Variants in GLI2 observed in about 807,000 individuals in gnomAD.
GLI2 encodes transcription activator GLI2.
In GLI2, 22 loss-of-function variants were observed where a neutral mutation model predicts 78.9. The ratio of observed to expected loss-of-function variants is 0.28; its 90% CI spans 0.20 to 0.40. GLI2 has a LOEUF of 0.40. GLI2 is among the 10% of genes least tolerant of loss of function. The probability of loss-of-function intolerance (pLI) is 1.00; values close to 1 mark genes in which losing one functional copy is unlikely to be tolerated. For missense variants in GLI2, 2,097 were observed against 2,213.2 expected (o/e 0.95, Z 1.05); for synonymous variants, 974 against 963.7 (o/e 1.01, Z -0.20).
At chr2:120,872,635 G>A (rs1189081945) in intron 2 of GLI2, among the ~76,000 whole-genome samples, 1 of 152,240 alleles carries the variant, frequency 6.6e-6, no homozygotes, top group East Asian at 1.9e-4. Flanking sequence ...CAGGCTTCTG[G>A]TGACAAGCCA....
chr2:120,910,240 G>T (rs1678749221), intron 2 of GLI2, among the ~76,000 whole-genome samples: 1 of 151,946 alleles, frequency 6.6e-6, no homozygotes, highest in Non-Finnish European at 1.5e-5. Context: ...TGGTCAGCAG[G>T]CCTGAGCCAG....
intron 3 of GLI2, among the ~76,000 whole-genome samples, chr2:120,933,995 G>A (rs982741409): frequency 6.6e-6 from 1 of 152,214 alleles, no homozygotes; most frequent in Non-Finnish European, 1.5e-5. Context: ...TGAACACACA[G>A]GGTGGGTCTT....
At position 120,972,017 on chromosome 2, in the gene GLI2, C is replaced by A. The variant is rs751294369; in HGVS notation, c.1136C>A (p.Thr379Asn). Residue 379 changes from threonine (T) to asparagine (N), a missense_variant, in exon 8 of 14, where the codon ACC (threonine) becomes AAC (asparagine). Thr to Asn is a moderately conservative substitution (Grantham distance 65). This residue lies in a region of GLI2 where 578 missense variants were observed against 612.0 expected (regional missense o/e 0.94). Coordinates refer to ENST00000361492, the MANE Select transcript of GLI2 (RefSeq NM_001374353.1). ...ATTCACAAGCGCAGCAAGGTCAAGA[C>A]CGAGCCTGAGGGCCTGCGGCCGGCC... ...VAIHKRSKVK[T>N]EPEGLRPASP... 2.5e-6 allele frequency: 4 copies of A among 1,613,488 alleles called. No individual in the cohort carries two copies. In the African/African-American group the frequency reaches 5.3e-5, roughly 22 times the overall value.
intron 2 of GLI2, among the ~76,000 whole-genome samples, chr2:120,814,241 G>A (rs1573417770): frequency 2.0e-5 from 3 of 152,216 alleles, no homozygotes; most frequent in East Asian, 3.8e-4. Flanking sequence ...CACCAAAGGG[G>A]TAAGGGCACC....
intron 2 of GLI2, among the ~76,000 whole-genome samples, chr2:120,826,528 G>A (rs1318611905): frequency 6.6e-6 from 1 of 152,198 alleles, no homozygotes; most frequent in Non-Finnish European, 1.5e-5. Flanking sequence ...CCTCCGTGTG[G>A]GACCTTGCTT....
intron 1 of GLI2, among the ~76,000 whole-genome samples, chr2:120,744,284 G>A (rs985445496): frequency 2.0e-5 from 3 of 152,228 alleles, no homozygotes; most frequent in African/African-American, 4.8e-5. Flanking sequence ...CATTGTGTGT[G>A]TCCAGGCAGT....
At chr2:120,919,876 G>C (rs189114086) in intron 2 of GLI2, among the ~76,000 whole-genome samples, 3 of 152,306 alleles carry the variant, frequency 2.0e-5, no homozygotes, top group African/African-American at 7.2e-5. Flanking sequence ...TGGGGATCCA[G>C]GCCCCAGCCA....
chr2:120,881,693 G>A (rs1354807537), intron 2 of GLI2, among the ~76,000 whole-genome samples: 1 of 90,086 alleles, frequency 1.1e-5, no homozygotes, highest in Non-Finnish European at 2.3e-5. Flanking sequence ...GGGGAGGATA[G>A]TCGGGAGGAC....
At chr2:120,945,099 C>T (rs187966337) in intron 3 of GLI2, among the ~76,000 whole-genome samples, 24 of 152,312 alleles carry the variant, frequency 1.6e-4, no homozygotes, top group Admixed American at 3.3e-4. Context: ...AGGAAGGATC[C>T]TGCTAAGGAG....
intron 2 of GLI2, among the ~76,000 whole-genome samples, chr2:120,885,857 A>C (rs973922922): frequency 2.0e-5 from 3 of 152,160 alleles, no homozygotes; most frequent in Non-Finnish European, 4.4e-5. Flanking sequence ...CGTGTGGGAC[A>C]CTATCATTCA....
At chr2:120,982,626 G>A in intron 10 of GLI2, 90 bp from the exon 11 acceptor site, 3 of 1,107,994 alleles carry the variant, frequency 2.7e-6, no homozygotes, top group Non-Finnish European at 4.0e-6. Context: ...GGTTGGAGCA[G>A]AGCAGAGAAG....
chr2:120,931,870 A>G (rs943022747), intron 3 of GLI2, among the ~76,000 whole-genome samples: 3 of 152,196 alleles, frequency 2.0e-5, no homozygotes, highest in Non-Finnish European at 4.4e-5. Context: ...AGTGATGGGC[A>G]GCAGCATGGT....
intron 2 of GLI2, among the ~76,000 whole-genome samples, chr2:120,920,067 G>A (rs1213280642): frequency 3.3e-5 from 5 of 152,224 alleles, no homozygotes; most frequent in Admixed American, 1.3e-4. Context: ...GGTGCACAGC[G>A]ACCACATGCT....
intron 2 of GLI2, among the ~76,000 whole-genome samples, chr2:120,834,385 T>C (rs563466152): frequency 6.6e-6 from 1 of 152,278 alleles, no homozygotes; most frequent in South Asian, 2.1e-4. Context: ...CTCTGGGCCA[T>C]AGGGGCCATC....
intron 1 of GLI2, among the ~76,000 whole-genome samples, chr2:120,776,754 C>T (rs534603799): frequency 1.3e-5 from 2 of 152,298 alleles, no homozygotes; most frequent in East Asian, 1.9e-4. Context: ...GGGGCTGAGC[C>T]GGGGCAGAGG....
intron 2 of GLI2, among the ~76,000 whole-genome samples, chr2:120,910,959 C>T (rs551935522): frequency 8.4e-4 from 128 of 152,350 alleles, no homozygotes; most frequent in Non-Finnish European, 1.3e-3. Context: ...GCTCCACCTC[C>T]TTACCAGGGC....
At chr2:120,928,109 TC>T (rs1468230458) in intron 3 of GLI2, among the ~76,000 whole-genome samples, 4 of 152,058 alleles carry the variant, frequency 2.6e-5, no homozygotes, top group Non-Finnish European at 5.9e-5. Flanking sequence ...CCATCCGTCC[TC>T]CTTCCAGGAA....
chr2:120,784,636 C>G, intron 1 of GLI2, among the ~76,000 whole-genome samples: 1 of 152,092 alleles, frequency 6.6e-6, no homozygotes, highest in Non-Finnish European at 1.5e-5. Flanking sequence ...TTCCAGGACT[C>G]AGAGCTACAG....
chr2:120,985,385 C>T (rs1030358457), intron 12 of GLI2, among the ~76,000 whole-genome samples: 3 of 152,106 alleles, frequency 2.0e-5, no homozygotes, highest in Non-Finnish European at 4.4e-5. Flanking sequence ...CCTTGGCAGC[C>T]GGAGTGGAAC....
Sources: allele counts gnomAD v4.1 joint callset (sites outside exome capture counted in the v4.1 genomes callset), GRCh38; gene constraint gnomAD v4.1.1; regional missense constraint gnomAD v4.1.1; transcripts MANE v1.5; gene names NCBI Gene and HGNC (gene_info 2026-07-23, HGNC 2026-07-21).